Variants in NRXN3 observed in about 807,000 individuals in gnomAD.
The protein encoded by NRXN3 is neurexin 3.
NRXN3 carries 32 observed loss-of-function variants against 137.6 expected under a neutral mutation model. That is an observed-to-expected ratio of 0.23 (90% CI 0.18 to 0.31). The LOEUF (loss-of-function observed/expected upper bound fraction) is 0.31. NRXN3 is among the 10% of genes least tolerant of loss of function. The probability of loss-of-function intolerance (pLI) is 1.00; values close to 1 mark genes in which losing one functional copy is unlikely to be tolerated. For synonymous variants in NRXN3, 798 were observed against 784.5 expected (o/e 1.02, Z -0.29); for missense variants, 1,574 against 2,062.5 (o/e 0.76, Z 4.59).
At chr14:78,888,871 A>ACACACACACACACACACACACACACACC (rs1491176672) in intron 10 of NRXN3, among the ~76,000 whole-genome samples, 20 of 146,314 alleles carry the variant, frequency 1.4e-4, no homozygotes, top group South Asian at 4.4e-4. Context: ...ACACACACAC[A>ACACACACACACACACACACACACACACC]CCCCAGATTT....
Position 79,545,855 on chromosome 14 carries a change from C to T in NRXN3, c.3444+78453C>T, listed in dbSNP as rs1029324870. Among the ~76,000 whole-genome samples, 3 of 152,038 alleles carry T rather than the reference C, an allele frequency of 2.0e-5. No individual in the cohort carries two copies. In the South Asian group the frequency reaches 6.2e-4, roughly 31 times the overall value. On this transcript the variant is annotated intron_variant, in intron 16 of 20. Coordinates refer to ENST00000335750, the MANE Select transcript of NRXN3 (RefSeq NM_001330195.2). ...GTTGACGTTCCTACTCTGGCACTTA[C>T]TAGATTGATATGGTTTGGCTGTGTC... is the stretch of plus-strand genomic sequence containing the variant.
At chr14:79,394,749 A>G (rs1454942077) in intron 15 of NRXN3, among the ~76,000 whole-genome samples, 1 of 152,220 alleles carries the variant, frequency 6.6e-6, no homozygotes, top group African/African-American at 2.4e-5. Flanking sequence ...AAAGTATCCC[A>G]GGGGAGTCAG....
chr14:79,573,522 G>T (rs1038925506), intron 16 of NRXN3, among the ~76,000 whole-genome samples: 1 of 151,926 alleles, frequency 6.6e-6, no homozygotes, highest in African/African-American at 2.4e-5. Context: ...CCACTCGCAG[G>T]CCAGCACTGG....
rs552983221 is a variant in NRXN3 at position 78,531,247 on chromosome 14, G to A, written c.758-113873G>A. ...AGAGTTAGCCTACCCTTTGACCTGG[G>A]CCTGGAGGTGAGGTTTTCTTCTTAC... is the stretch of plus-strand genomic sequence containing the variant. On this transcript the variant is annotated intron_variant, in intron 4 of 20. Transcript: ENST00000335750. Among the ~76,000 whole-genome samples the A allele has an allele frequency of 3.3e-5, 5 of 152,258 alleles. No individual in the cohort carries two copies. The East Asian group carries it at 7.7e-4, about 24-fold the overall frequency.
At position 79,005,615 on chromosome 14, in the gene NRXN3, C is replaced by T. The variant is rs563301228; in HGVS notation, c.3262+17474C>T. Among the ~76,000 whole-genome samples the T allele has an allele frequency of 7.2e-5, 11 of 152,292 alleles. No individual in the cohort carries two copies. The South Asian group carries it at 1.9e-3, about 26-fold the overall frequency. On this transcript the variant is annotated intron_variant, in intron 15 of 20. Transcript: ENST00000335750. ...TCCATTTAAGTCTGGGACTCACTTTCATAAACCCATGCACCTGTGGGAAAA... is the reference window on the plus strand; with the variant it reads ...TCCATTTAAGTCTGGGACTCACTTTTATAAACCCATGCACCTGTGGGAAAA...
At chr14:79,161,881 G>A (rs2060807815) in intron 15 of NRXN3, among the ~76,000 whole-genome samples, 1 of 151,752 alleles carries the variant, frequency 6.6e-6, no homozygotes, top group Non-Finnish European at 1.5e-5. Flanking sequence ...TAAAGATACT[G>A]GAATAATGAG....
At chr14:78,398,084 C>T (rs577442913) in intron 4 of NRXN3, among the ~76,000 whole-genome samples, 2 of 151,386 alleles carry the variant, frequency 1.3e-5, no homozygotes, top group South Asian at 2.1e-4. Flanking sequence ...CATGGTGGTG[C>T]GTCCCTGTAA....
At chr14:79,601,636 G>T (rs2543571) in intron 16 of NRXN3, among the ~76,000 whole-genome samples, 70,087 of 151,622 alleles carry the variant, frequency 0.46, 18,349 homozygotes, top group African/African-American at 0.73. Context: ...CAGACTACAC[G>T]GCCAGTGCCC....
chr14:79,853,752 C>T, intron 20 of NRXN3: 6 of 1,070,174 alleles, frequency 5.6e-6, no homozygotes, highest in Non-Finnish European at 6.9e-6. Flanking sequence ...TAAAGAAAGC[C>T]TAAAATTTGT....
In NRXN3 at chr14:78,243,860, C is replaced by T. The variant is rs979123149; in HGVS notation, c.709+58C>T. On this transcript the variant is annotated intron_variant, in intron 2 of 20. Transcript: ENST00000335750. This position sits in a 1 kb window ranked among gnomAD's most constrained non-coding sequence, Gnocchi z 4.2. ...ACCCACGGGATGGCTGAGGCTGGGG[C>T]TCCTGATACAAACCAGTTCTATATG... 1 of 1,323,860 alleles carries T rather than the reference C, an allele frequency of 7.6e-7. No individual in the cohort carries two copies. Among genetic ancestry groups the T allele is most frequent in the Non-Finnish European group, 1.0e-6 (1 of 966,922 alleles). 82.0% of individuals were successfully genotyped at this position (1,323,860 alleles called of 1,614,324 possible).
At chr14:79,106,167 T>C (rs1373743199) in intron 15 of NRXN3, among the ~76,000 whole-genome samples, 1 of 152,104 alleles carries the variant, frequency 6.6e-6, no homozygotes, top group African/African-American at 2.4e-5. Flanking sequence ...TTTTCCATGT[T>C]CTTGAGGTCA....
At chr14:79,573,421 A>G (rs1490119764) in intron 16 of NRXN3, among the ~76,000 whole-genome samples, 1 of 152,120 alleles carries the variant, frequency 6.6e-6, no homozygotes, top group Admixed American at 6.6e-5. Flanking sequence ...GCCAGTTGTC[A>G]CACAGCACTG....
intron 15 of NRXN3, among the ~76,000 whole-genome samples, chr14:79,138,467 T>C (rs1214275671): frequency 2.6e-5 from 4 of 152,240 alleles, no homozygotes; most frequent in African/African-American, 9.6e-5. Context: ...ATCAGACATG[T>C]ATGTTCTGAA....
chr14:79,030,537 G>GT (rs1315749791), intron 15 of NRXN3, among the ~76,000 whole-genome samples: 2 of 147,914 alleles, frequency 1.4e-5, no homozygotes, highest in African/African-American at 4.9e-5. Flanking sequence ...TTTTTTATTT[G>GT]TAAGTATCTT....
intron 16 of NRXN3, among the ~76,000 whole-genome samples, chr14:79,627,867 T>G (rs2098299193): frequency 6.6e-6 from 1 of 152,164 alleles, no homozygotes; most frequent in African/African-American, 2.4e-5. Flanking sequence ...TTTTTTATAG[T>G]ATATAGAGTG....
intron 8 of NRXN3, among the ~76,000 whole-genome samples, chr14:78,794,937 C>CA (rs59817830): frequency 0.8 from 114,218 of 142,312 alleles, 46,086 homozygotes; most frequent in Non-Finnish European, 0.89. Flanking sequence ...AACAAACAAA[C>CA]AAAAAAAAAA....
intron 4 of NRXN3, among the ~76,000 whole-genome samples, chr14:78,437,828 A>T (rs1027386766): frequency 6.6e-6 from 1 of 152,222 alleles, no homozygotes; most frequent in Non-Finnish European, 1.5e-5. Flanking sequence ...TTTTTCATGA[A>T]CACCTTAACT....
intron 16 of NRXN3, among the ~76,000 whole-genome samples, chr14:79,612,264 T>C (rs936451343): frequency 6.6e-6 from 1 of 152,154 alleles, no homozygotes; most frequent in Admixed American, 6.5e-5. Context: ...TTGGAGGAAA[T>C]TCATTGGTTC....
chr14:79,455,563 T>G (rs555967629), intron 15 of NRXN3, among the ~76,000 whole-genome samples: 9 of 152,220 alleles, frequency 5.9e-5, no homozygotes, highest in Admixed American at 2.0e-4. Context: ...TCTATGGTCA[T>G]TAGCCTATTG....
Sources: allele counts gnomAD v4.1 joint callset (sites outside exome capture counted in the v4.1 genomes callset), GRCh38; gene constraint gnomAD v4.1.1; non-coding constraint Gnocchi (gnomAD v3.1); transcripts MANE v1.5; gene names NCBI Gene and HGNC (gene_info 2026-07-23, HGNC 2026-07-21).